Variants in RBFOX1 observed in about 807,000 individuals in gnomAD.
RBFOX1 encodes RNA binding fox-1 homolog 1.
In RBFOX1, 8 loss-of-function variants were observed where a neutral mutation model predicts 57.7. The ratio of observed to expected loss-of-function variants is 0.14; its 90% CI spans 0.08 to 0.25. The LOEUF (loss-of-function observed/expected upper bound fraction) is 0.25, where lower values mean the gene tolerates loss of function less well. Ranked by LOEUF, RBFOX1 falls within the 10% of genes least tolerant of loss-of-function variation. The pLI is 1.00. For missense variants in RBFOX1, 611 were observed against 548.5 expected (o/e 1.11, Z -1.14); for synonymous variants, 326 against 222.4 (o/e 1.47, Z -4.15).
chr16:6,420,540 C>T (rs1200349944), intron 2 of RBFOX1, among the ~76,000 whole-genome samples: 4 of 152,004 alleles, frequency 2.6e-5, no homozygotes, highest in African/African-American at 4.8e-5. Context: ...GGAGAAAAAC[C>T]ACATCGGGAT....
At chr16:6,254,591 C>T (rs959393706) in intron 1 of RBFOX1, among the ~76,000 whole-genome samples, 5 of 152,122 alleles carry the variant, frequency 3.3e-5, no homozygotes, top group African/African-American at 1.2e-4. Context: ...GGTAGGAAGA[C>T]ATTTTAACAT....
intron 7 of RBFOX1, among the ~76,000 whole-genome samples, chr16:7,590,728 G>A (rs1643786715): frequency 6.6e-6 from 1 of 151,660 alleles, no homozygotes; most frequent in African/African-American, 2.4e-5. Flanking sequence ...GTGTGGTGGT[G>A]CATGCCTGTA....
At chr16:6,493,715 C>T (rs943525269) in intron 2 of RBFOX1, among the ~76,000 whole-genome samples, 2 of 152,286 alleles carry the variant, frequency 1.3e-5, no homozygotes, top group African/African-American at 4.8e-5. Flanking sequence ...TTGGGAGATT[C>T]AGCTGGCCTG....
intron 3 of RBFOX1, among the ~76,000 whole-genome samples, chr16:5,687,338 C>T (rs142605829): frequency 0.021 from 3,116 of 151,968 alleles, 50 homozygotes; most frequent in South Asian, 0.049. Context: ...TGTGTAGAGT[C>T]GCCTGCTTAC....
intron 1 of RBFOX1, among the ~76,000 whole-genome samples, chr16:6,286,019 G>A (rs1057075205): frequency 2.6e-5 from 4 of 152,190 alleles, no homozygotes; most frequent in South Asian, 2.1e-4. Flanking sequence ...ATTAAGGCAG[G>A]TGACGAGGCT....
At chr16:6,234,310 C>G (rs960247308) in intron 1 of RBFOX1, among the ~76,000 whole-genome samples, 1 of 152,146 alleles carries the variant, frequency 6.6e-6, no homozygotes, top group South Asian at 2.1e-4. Flanking sequence ...AAGCAAGTAT[C>G]TCTCCTTTTT....
At chr16:7,489,634 G>C (rs1201361754) in intron 4 of RBFOX1, among the ~76,000 whole-genome samples, 2 of 151,926 alleles carry the variant, frequency 1.3e-5, no homozygotes, top group Non-Finnish European at 2.9e-5. Context: ...TCCAACGTCA[G>C]TCTCCCGAGT....
chr16:5,803,148 C>A (rs958362643), intron 3 of RBFOX1, among the ~76,000 whole-genome samples: 3 of 152,104 alleles, frequency 2.0e-5, no homozygotes, highest in Admixed American at 2.0e-4. Context: ...TGTATCCCTC[C>A]CCCCATCCAA....
At chr16:7,338,802 G>T (rs977134690) in intron 4 of RBFOX1, among the ~76,000 whole-genome samples, 55 of 152,274 alleles carry the variant, frequency 3.6e-4, no homozygotes, top group African/African-American at 1.2e-3. Context: ...AGTAATTTGG[G>T]TAAGTTTCTG....
At chr16:5,636,439 A>G (rs974221748) in intron 3 of RBFOX1, among the ~76,000 whole-genome samples, 5 of 152,184 alleles carry the variant, frequency 3.3e-5, no homozygotes, top group Non-Finnish European at 4.4e-5. Context: ...ATCAGAAATA[A>G]TGCTGGCCAA....
intron 4 of RBFOX1, among the ~76,000 whole-genome samples, chr16:7,216,240 C>T (rs887982932): frequency 3.9e-5 from 6 of 152,136 alleles, no homozygotes; most frequent in Non-Finnish European, 8.8e-5. Context: ...CCACTATCTG[C>T]ATATTAGTTA....
intron 3 of RBFOX1, among the ~76,000 whole-genome samples, chr16:6,779,467 A>G (rs2079966301): frequency 1.3e-5 from 2 of 151,714 alleles, no homozygotes; most frequent in South Asian, 2.1e-4. Flanking sequence ...GAAGAGTACT[A>G]CAATAAACAT....
At chr16:6,783,756 T>C (rs1351999128) in intron 3 of RBFOX1, among the ~76,000 whole-genome samples, 2 of 152,168 alleles carry the variant, frequency 1.3e-5, no homozygotes, top group African/African-American at 4.8e-5. Flanking sequence ...CTTCAGGTAA[T>C]TTCTTGCTGC....
At chr16:7,454,171 C>T (rs13331724) in intron 4 of RBFOX1, among the ~76,000 whole-genome samples, 58,509 of 151,912 alleles carry the variant, frequency 0.39, 11,645 homozygotes, top group Non-Finnish European at 0.45. Context: ...AGGCTGAGGT[C>T]CCAGTGAGCC....
rs995384000 is a variant in RBFOX1, at chr16:7,521,530, T to C, written c.270+3141T>C. Among the ~76,000 whole-genome samples the C allele has an allele frequency of 1.3e-4, 20 of 152,098 alleles. 1 individual carries two copies. Among genetic ancestry groups the C allele is most frequent in the Non-Finnish European group, 8.8e-5 (6 of 68,032 alleles). ...AAGAACACTTTAGAGATCAACACAATTGAATTTAAATAGCGTGTTGGGTGT... is the reference window on the plus strand; with the variant it reads ...AAGAACACTTTAGAGATCAACACAACTGAATTTAAATAGCGTGTTGGGTGT... On this transcript the variant is annotated intron_variant, in intron 5 of 15. Transcript: ENST00000550418.
intron 3 of RBFOX1, among the ~76,000 whole-genome samples, chr16:5,762,516 A>G (rs1328393468): frequency 6.6e-6 from 1 of 152,194 alleles, no homozygotes; most frequent in Non-Finnish European, 1.5e-5. Context: ...AAAGCCTTAA[A>G]TGCACGTTTG....
At chr16:7,485,242 G>T (rs1267287461) in intron 4 of RBFOX1, among the ~76,000 whole-genome samples, 2 of 152,140 alleles carry the variant, frequency 1.3e-5, no homozygotes, top group Non-Finnish European at 2.9e-5. Context: ...GTTTATGCAT[G>T]CACACACAGC....
intron 3 of RBFOX1, among the ~76,000 whole-genome samples, chr16:6,677,353 C>T (rs1024962361): frequency 1.3e-5 from 2 of 152,130 alleles, no homozygotes; most frequent in Non-Finnish European, 2.9e-5. Context: ...TCCATAGATA[C>T]AAACACACAT....
intron 3 of RBFOX1, among the ~76,000 whole-genome samples, chr16:6,771,346 ATCT>A (rs1338193747): frequency 6.6e-6 from 1 of 151,974 alleles, no homozygotes; most frequent in African/African-American, 2.4e-5. Context: ...CTATGTTGGT[ATCT>A]TCTTAGATAT....
Sources: allele counts gnomAD v4.1 joint callset (sites outside exome capture counted in the v4.1 genomes callset), GRCh38; gene constraint gnomAD v4.1.1; transcripts MANE v1.5; gene names NCBI Gene and HGNC (gene_info 2026-07-23, HGNC 2026-07-21).